Variants in ATOSA observed in about 807,000 individuals in gnomAD.
ATOSA encodes atos homolog A, also known as atos homolog protein A.
At chr15:52,624,771 T>C in the ATOSA span, among the ~76,000 whole-genome samples, 4 of 143,026 alleles carry the variant, frequency 2.8e-5, no homozygotes, top group African/African-American at 1.0e-4. Context: ...GGAATATGTG[T>C]ACCTGCTTAT....
the ATOSA span, among the ~76,000 whole-genome samples, chr15:52,647,664 A>G: frequency 6.6e-6 from 1 of 152,192 alleles, no homozygotes; most frequent in Non-Finnish European, 1.5e-5. Flanking sequence ...GGGATTTAGC[A>G]ACTCTAGTCA....
chr15:52,680,213 A>C, the ATOSA span, among the ~76,000 whole-genome samples: 4 of 152,074 alleles, frequency 2.6e-5, no homozygotes, highest in African/African-American at 9.7e-5. Flanking sequence ...TTTAAACACA[A>C]ACAGATGACA....
At chr15:52,594,867 T>C in the ATOSA span, among the ~76,000 whole-genome samples, 1 of 152,216 alleles carries the variant, frequency 6.6e-6, no homozygotes, top group Non-Finnish European at 1.5e-5. Flanking sequence ...AAAAGCCTTA[T>C]AGTATCACCT....
the ATOSA span, among the ~76,000 whole-genome samples, chr15:52,591,915 G>A: frequency 5.2e-3 from 796 of 152,258 alleles, 4 homozygotes; most frequent in Non-Finnish European, 8.5e-3. Context: ...ACCCACAGAT[G>A]TGAACGTTGT....
At chr15:52,614,082 T>C in the ATOSA span, among the ~76,000 whole-genome samples, 1 of 151,808 alleles carries the variant, frequency 6.6e-6, no homozygotes, top group South Asian at 2.1e-4. Flanking sequence ...ATATTAATTA[T>C]AATTGTAATA....
the ATOSA span, among the ~76,000 whole-genome samples, chr15:52,676,119 A>T: frequency 6.6e-6 from 1 of 152,220 alleles, no homozygotes; most frequent in Non-Finnish European, 1.5e-5. Flanking sequence ...AAAATCTCAA[A>T]CCAGAAGCGT....
chr15:52,648,260 GA>G, the ATOSA span, among the ~76,000 whole-genome samples: 9 of 152,116 alleles, frequency 5.9e-5, no homozygotes, highest in African/African-American at 2.2e-4. Flanking sequence ...CCCAGAAGGT[GA>G]AACTATGCCC....
At chr15:52,680,706 A>G in the ATOSA span, among the ~76,000 whole-genome samples, 1 of 152,360 alleles carries the variant, frequency 6.6e-6, no homozygotes, top group East Asian at 1.9e-4. Context: ...GGAGGGTAAC[A>G]TTTCATTTTC....
the ATOSA span, among the ~76,000 whole-genome samples, chr15:52,699,047 T>C: frequency 1.3e-5 from 2 of 152,052 alleles, no homozygotes; most frequent in Non-Finnish European, 2.9e-5. Flanking sequence ...AGAATGAAAA[T>C]AGAAGTACAG....
chr15:52,586,606 G>A, the ATOSA span: 1 of 152,702 alleles, frequency 6.5e-6, no homozygotes, highest in African/African-American at 2.4e-5. Context: ...CAGGGATGAT[G>A]AAGGACTGTT....
chr15:52,692,665 T>C, the ATOSA span, among the ~76,000 whole-genome samples: 1 of 151,444 alleles, frequency 6.6e-6, no homozygotes, highest in African/African-American at 2.4e-5. Context: ...GAAAACTACC[T>C]CTTTTTCTTC....
At chr15:52,588,017 A>C in the ATOSA span, among the ~76,000 whole-genome samples, 1 of 152,188 alleles carries the variant, frequency 6.6e-6, no homozygotes, top group Non-Finnish European at 1.5e-5. Flanking sequence ...GATTTGAGTC[A>C]AGGTTAAAGC....
At chr15:52,631,724 G>C in the ATOSA span, among the ~76,000 whole-genome samples, 1 of 152,142 alleles carries the variant, frequency 6.6e-6, no homozygotes, top group Non-Finnish European at 1.5e-5. Context: ...TCGTTGGCTG[G>C]ACAAATAACT....
At chr15:52,705,851 T>C in the ATOSA span, among the ~76,000 whole-genome samples, 1 of 152,334 alleles carries the variant, frequency 6.6e-6, no homozygotes, top group East Asian at 1.9e-4. Context: ...GAGTAAAATA[T>C]AATTGTTATA....
the ATOSA span, chr15:52,605,224 T>C: frequency 6.2e-7 from 1 of 1,609,506 alleles, no homozygotes; most frequent in Non-Finnish European, 8.5e-7. Context: ...TCGCCACACA[T>C]TTGAATGTTT....
the ATOSA span, among the ~76,000 whole-genome samples, chr15:52,659,497 T>C: frequency 4.6e-5 from 7 of 152,200 alleles, no homozygotes; most frequent in Non-Finnish European, 8.8e-5. Flanking sequence ...ATTTTAGAAA[T>C]AGAGCATTTC....
chr15:52,684,115 A>G, the ATOSA span, among the ~76,000 whole-genome samples: 3 of 152,250 alleles, frequency 2.0e-5, no homozygotes, highest in Non-Finnish European at 4.4e-5. Flanking sequence ...TTGAAGATCC[A>G]AGGCTGTCAC....
chr15:52,601,291 G>C, the ATOSA span: 2 of 595,890 alleles, frequency 3.4e-6, no homozygotes, highest in Non-Finnish European at 5.9e-6. Context: ...TCCTATAATA[G>C]CTTATTTAAA....
At chr15:52,703,877 A>G in the ATOSA span, among the ~76,000 whole-genome samples, 1 of 152,282 alleles carries the variant, frequency 6.6e-6, no homozygotes, top group South Asian at 2.1e-4. Flanking sequence ...TAAATGTGGC[A>G]CATACACACA....
Sources: gnomAD v4.1 joint callset for allele counts (sites outside exome capture counted in the v4.1 genomes callset) on GRCh38, gnomAD v4.1.1 for gene constraint, MANE v1.5 for transcripts, NCBI Gene and HGNC (gene_info 2026-07-23, HGNC 2026-07-21) for gene names.